Variants in NFATC1 observed in about 807,000 individuals in gnomAD.
NFATC1 encodes the protein nuclear factor of activated T cells 1, also known as nuclear factor of activated T-cells, cytoplasmic 1.
In NFATC1, 22 loss-of-function variants were observed where a neutral mutation model predicts 76.0. The ratio of observed to expected loss-of-function variants is 0.29; its 90% confidence interval spans 0.21 to 0.41. The LOEUF (loss-of-function observed/expected upper bound fraction) is 0.41, where lower values mean the gene tolerates loss of function less well. NFATC1 is among the 10% of genes least tolerant of loss of function. The probability of loss-of-function intolerance (pLI) is 1.00; values close to 1 mark genes in which losing one functional copy is unlikely to be tolerated. For synonymous variants in NFATC1, 704 were observed against 613.1 expected, an observed-to-expected ratio of 1.15 and a Z score of -2.19; for missense variants, 1,357 against 1,337.7, an observed-to-expected ratio of 1.01 and a Z score of -0.23.
intron 9 of NFATC1, among the ~76,000 whole-genome samples, chr18:79,498,959 A>G (rs149224832): frequency 2.0e-3 from 306 of 152,384 alleles, no homozygotes; most frequent in African/African-American, 6.9e-3. Flanking sequence ...CTGTGCTCAG[A>G]TAAACAAGAC....
Position 79,461,304 on chromosome 18 carries a change from C to A in NFATC1, c.1904-7C>A, listed in dbSNP as rs778633389. ...AGTCACAGACGTTTCCTGCTCCTTT[C>A]TTCCAGATGGCCACCATGTCTGGGA... On this transcript the variant is annotated splice_region_variant and splice_polypyrimidine_tract_variant and intron_variant, in intron 6 of 9. Transcript: ENST00000427363. The A allele has an allele frequency of 5.0e-6, 8 of 1,614,120 alleles. No individual in the cohort carries two copies. The East Asian group carries it at 1.3e-4, about 27-fold the overall frequency.
intron 8 of NFATC1, among the ~76,000 whole-genome samples, chr18:79,482,139 G>A (rs575031219): frequency 2.7e-5 from 4 of 146,884 alleles, no homozygotes; most frequent in South Asian, 2.2e-4. Flanking sequence ...GCATGACCTC[G>A]TTCCTGGGGT....
intron 8 of NFATC1, chr18:79,470,027 G>T: frequency 5.1e-6 from 5 of 985,070 alleles, no homozygotes; most frequent in Non-Finnish European, 6.0e-6. Flanking sequence ...CCAGGTATCC[G>T]TGTTCCGTCC....
intron 9 of NFATC1, among the ~76,000 whole-genome samples, chr18:79,518,802 C>G (rs948086927): frequency 1.3e-5 from 2 of 152,246 alleles, no homozygotes; most frequent in Non-Finnish European, 2.9e-5. Flanking sequence ...GGACCCCTGG[C>G]ACCCGGTGTC....
At chr18:79,483,021 C>T (rs2089349879) in intron 8 of NFATC1, among the ~76,000 whole-genome samples, 1 of 124,426 alleles carries the variant, frequency 8.0e-6, no homozygotes, top group South Asian at 2.7e-4. Flanking sequence ...TCCAGTGTGA[C>T]CTGGTTCCTG....
At chr18:79,448,447 G>A (rs889510887) in intron 3 of NFATC1, 16 of 344,982 alleles carry the variant, frequency 4.6e-5, no homozygotes, top group East Asian at 3.1e-4. Flanking sequence ...TTGGTGAAGC[G>A]AGCCTTGCAC....
intron 8 of NFATC1, among the ~76,000 whole-genome samples, chr18:79,479,983 TG>T (rs1302043032): frequency 6.6e-6 from 1 of 152,130 alleles, no homozygotes; most frequent in Non-Finnish European, 1.5e-5. Flanking sequence ...AGAAGCCGCG[TG>T]GAGACCCCAG....
chr18:79,396,263 A>G lies in NFATC1; in HGVS notation c.39A>G (p.Pro13=). ...STSFPVPSKF[P]LGPAAAVFGR... ...GCTTTCCAGTCCCTTCCAAGTTTCC[A>G]CTTGGCCCTGCGGCTGCGGTCTTCG... The change falls in exon 1 of 10, where the codon CCA becomes CCG. Residue 13 remains proline, a synonymous_variant. Coordinates refer to ENST00000427363, the MANE Select transcript of NFATC1 (RefSeq NM_001278669.2). 20 of 1,484,468 alleles carry G rather than the reference A, an allele frequency of 1.3e-5. No homozygotes were observed. Among genetic ancestry groups the G allele is most frequent in the Non-Finnish European group, 1.8e-5 (20 of 1,109,032 alleles). 92.0% of individuals were successfully genotyped at this position (1,484,468 alleles called of 1,614,324 possible).
chr18:79,445,231 G>C (rs1161428552), intron 3 of NFATC1, among the ~76,000 whole-genome samples: 1 of 152,246 alleles, frequency 6.6e-6, no homozygotes, highest in Non-Finnish European at 1.5e-5. Flanking sequence ...GGTGTGCCGT[G>C]GGTCACGTGG....
intron 2 of NFATC1, among the ~76,000 whole-genome samples, chr18:79,431,741 C>T (rs543254784): frequency 5.3e-5 from 8 of 152,126 alleles, no homozygotes; most frequent in South Asian, 4.2e-4. Flanking sequence ...CTCGCTCTGT[C>T]GCCAAGGCTG....
chr18:79,526,302 T>C (rs938561654), intron 9 of NFATC1, among the ~76,000 whole-genome samples: 2 of 152,350 alleles, frequency 1.3e-5, no homozygotes, highest in Admixed American at 6.5e-5. Flanking sequence ...CCTTCCACAC[T>C]GGGGGCGGAG....
At chr18:79,426,905 C>T (rs1449479523) in intron 2 of NFATC1, among the ~76,000 whole-genome samples, 3 of 152,258 alleles carry the variant, frequency 2.0e-5, no homozygotes, top group African/African-American at 7.2e-5. Flanking sequence ...TGCCTAGGAC[C>T]TTCTTAACTC....
chr18:79,481,277 C>T (rs2089262310), intron 8 of NFATC1, among the ~76,000 whole-genome samples: 1 of 152,252 alleles, frequency 6.6e-6, no homozygotes, highest in Non-Finnish European at 1.5e-5. Flanking sequence ...GCGCCATGGC[C>T]TAAGGCAAGA....
intron 8 of NFATC1, among the ~76,000 whole-genome samples, chr18:79,480,031 A>G (rs1600868311): frequency 6.6e-6 from 1 of 152,288 alleles, no homozygotes; most frequent in Admixed American, 6.5e-5. Flanking sequence ...CAGGGCCCGC[A>G]CCTGCAGGGT....
chr18:79,439,411 A>G (rs2086894421), intron 3 of NFATC1, among the ~76,000 whole-genome samples: 1 of 149,638 alleles, frequency 6.7e-6, no homozygotes, highest in East Asian at 1.9e-4. Context: ...ACTAAAGTGC[A>G]GGTCTGACCA....
At chr18:79,420,145 G>T (rs536809050) in intron 2 of NFATC1, among the ~76,000 whole-genome samples, 3 of 152,200 alleles carry the variant, frequency 2.0e-5, no homozygotes, top group Admixed American at 1.3e-4. Flanking sequence ...CGACAGATGT[G>T]TTTCCAGGCG....
rs560703925 is a variant in NFATC1, at chr18:79,474,470, C to A, written c.2092+6888C>A. Among the ~76,000 whole-genome samples, 306 of 146,492 alleles carry A rather than the reference C, an allele frequency of 2.1e-3. 1 individual carries two copies. Among genetic ancestry groups the A allele is most frequent in the Non-Finnish European group, 3.4e-3 (229 of 66,968 alleles). ...TCGCGCTCACTGTCGACGTTGTAAACCTGAGGGAAGCGTGTTCTCACACTC... is the reference window on the plus strand; with the variant it reads ...TCGCGCTCACTGTCGACGTTGTAAAACTGAGGGAAGCGTGTTCTCACACTC... On this transcript the variant is annotated intron_variant, in intron 8 of 9. Transcript: ENST00000427363.
intron 6 of NFATC1, among the ~76,000 whole-genome samples, chr18:79,452,925 A>G (rs1022554699): frequency 2.0e-5 from 3 of 152,226 alleles, no homozygotes; most frequent in African/African-American, 7.2e-5. Flanking sequence ...AGCCTTGATA[A>G]TGGGGTCTTG....
chr18:79,510,879 C>T (rs71366534), intron 9 of NFATC1, among the ~76,000 whole-genome samples: 9 of 150,052 alleles, frequency 6.0e-5, no homozygotes, highest in Middle Eastern at 3.5e-3. Context: ...GGGCATCTTC[C>T]GCCGGGGCAT....
Sources: allele counts gnomAD v4.1 joint callset (sites outside exome capture counted in the v4.1 genomes callset), GRCh38; gene constraint gnomAD v4.1.1; transcripts MANE v1.5; gene names NCBI Gene and HGNC (gene_info 2026-07-23, HGNC 2026-07-21).